Variants in MMP20 observed in about 807,000 individuals in gnomAD.
MMP20 encodes matrix metallopeptidase 20, also known as matrix metalloproteinase-20.
MMP20 carries 50 observed loss-of-function variants against 51.8 expected under a neutral mutation model. The ratio of observed to expected loss-of-function variants is 0.97; its 90% CI spans 0.77 to 1.22. The LOEUF (loss-of-function observed/expected upper bound fraction) is 1.22, where lower values mean the gene tolerates loss of function less well. Among genes scored for constraint, MMP20 ranks in the 50% most tolerant of loss-of-function variants. MMP20 has a pLI of 0.00. For missense variants in MMP20, 663 were observed against 601.4 expected, an observed-to-expected ratio of 1.10 and a Z score of -1.07; for synonymous variants, 244 against 216.2, an observed-to-expected ratio of 1.13 and a Z score of -1.13.
At position 102,609,886 on chromosome 11, in the gene MMP20, G is replaced by A; in HGVS notation, c.649+19C>T. 6.2e-7 allele frequency: 1 copy of A among 1,614,046 alleles called. No individual in the cohort carries two copies. The highest frequency in any genetic ancestry group is 8.5e-7 in the Non-Finnish European group (1 of 1,179,966). On this transcript the variant is annotated intron_variant, in intron 4 of 9. Coordinates refer to ENST00000260228, the MANE Select transcript of MMP20 (RefSeq NM_004771.4). ...AAGGTACAATATTTTCCAGGTTATG[G>A]TGAATTGTGCATATATACCATTCGT...
chr11:102,605,903 A>G (rs1358872708), intron 6 of MMP20, among the ~76,000 whole-genome samples: 1 of 152,174 alleles, frequency 6.6e-6, no homozygotes, highest in Non-Finnish European at 1.5e-5. Flanking sequence ...CCAAGAAACC[A>G]GAGTTGGGGG....
chr11:102,616,111 T>C (rs1422784862), intron 2 of MMP20, among the ~76,000 whole-genome samples: 1 of 151,810 alleles, frequency 6.6e-6, no homozygotes, highest in Non-Finnish European at 1.5e-5. Context: ...AGCCAGAGGA[T>C]TAGGGGAGGG....
At chr11:102,581,965 C>T (rs539004368) in intron 8 of MMP20, among the ~76,000 whole-genome samples, 1 of 152,262 alleles carries the variant, frequency 6.6e-6, no homozygotes, top group East Asian at 1.9e-4. Context: ...GTTTGTGAAA[C>T]CTAAATACCA....
At chr11:102,578,408 A>G (rs946561260) in intron 9 of MMP20, among the ~76,000 whole-genome samples, 3 of 152,216 alleles carry the variant, frequency 2.0e-5, no homozygotes, top group African/African-American at 7.2e-5. Flanking sequence ...AAGTGCTGGA[A>G]TTACAGGTGT....
Position 102,611,772 on chromosome 11 carries a change from A to T in MMP20, c.506T>A (p.Ile169Lys). Residue 169 changes from isoleucine to lysine, a missense_variant, in exon 3 of 10, where the codon ATA (isoleucine) becomes AAA (lysine). By Grantham distance (102) the Ile-to-Lys change is moderately radical. Coordinates refer to ENST00000260228, the MANE Select transcript of MMP20 (RefSeq NM_004771.4). The stretch of plus-strand genomic sequence containing the variant: ...CACAATACCTCCATTTTCAAAAGAT[A>T]TCATAATATCCGCTTCTCCTGAGTT... ...RINSGEADIMISFENGDHGDS... is the reference protein window; with the variant it reads ...RINSGEADIMKSFENGDHGDS... The T allele has an allele frequency of 6.2e-7, 1 of 1,614,188 alleles. No homozygotes were observed. The highest frequency in any genetic ancestry group is 8.5e-7 in the Non-Finnish European group (1 of 1,180,030).
chr11:102,595,360 A>G (rs372936917), intron 6 of MMP20, among the ~76,000 whole-genome samples: 5 of 152,218 alleles, frequency 3.3e-5, no homozygotes, highest in African/African-American at 9.6e-5. Context: ...AAATAATGAA[A>G]GAATATAGCA....
intron 6 of MMP20, among the ~76,000 whole-genome samples, chr11:102,598,585 T>C (rs1859410148): frequency 6.6e-6 from 1 of 152,236 alleles, no homozygotes; most frequent in African/African-American, 2.4e-5. Context: ...AAAATTTTCA[T>C]TCACTTTTAC....
intron 6 of MMP20, 146 bp downstream of exon 6, chr11:102,606,389 A>C: frequency 1.8e-6 from 2 of 1,084,976 alleles, no homozygotes; most frequent in Non-Finnish European, 2.8e-6. Context: ...TCTCCCCCAA[A>C]GACCCCTGCC....
intron 6 of MMP20, among the ~76,000 whole-genome samples, chr11:102,599,272 G>C (rs551287573): frequency 1.3e-5 from 2 of 152,108 alleles, no homozygotes; most frequent in South Asian, 4.2e-4. Context: ...TGCCTGCCTC[G>C]GCTTCCCAAA....
chr11:102,590,868 G>A (rs1784446), intron 8 of MMP20, among the ~76,000 whole-genome samples: 77,277 of 151,948 alleles, frequency 0.51, 20,250 homozygotes, highest in South Asian at 0.67. Flanking sequence ...TGGCCACCTC[G>A]AGTCATGAGG....
At chr11:102,621,808 T>C (rs1221837572) in intron 1 of MMP20, among the ~76,000 whole-genome samples, 1 of 152,186 alleles carries the variant, frequency 6.6e-6, no homozygotes, top group Non-Finnish European at 1.5e-5. Context: ...GTTAGAAAAG[T>C]AAAAACCACA....
intron 8 of MMP20, among the ~76,000 whole-genome samples, chr11:102,586,003 G>A (rs756277629): frequency 3.9e-5 from 6 of 151,984 alleles, no homozygotes; most frequent in Admixed American, 2.6e-4. Flanking sequence ...TTAGGTTGTT[G>A]GTGTTTTTGG....
intron 6 of MMP20, among the ~76,000 whole-genome samples, chr11:102,601,955 T>C (rs573653165): frequency 0.024 from 3,579 of 148,074 alleles, 85 homozygotes; most frequent in Non-Finnish European, 0.029. Flanking sequence ...TTCTTTCTTT[T>C]TTTTTTTTTT....
Position 102,593,514 on chromosome 11 carries a change from A to G in MMP20, c.1172T>C (p.Val391Ala). ...GTAGACAGCAGCATCTATTTGCTGC[A>G]CGTGCCTTGGAAATCCAAAGTCATA... ...TIYDFGFPRH[V>A]QQIDAAVYLR... is the part of the protein sequence containing the mutation. The change falls in exon 8 of 10, where the codon GTG becomes GCG. Residue 391 changes from valine to alanine, a missense_variant. Val to Ala is a moderately conservative substitution (Grantham distance 64). Coordinates refer to ENST00000260228, the MANE Select transcript of MMP20 (RefSeq NM_004771.4). 1 of 1,614,144 alleles carries G rather than the reference A, an allele frequency of 6.2e-7. No homozygotes were observed.
intron 2 of MMP20, among the ~76,000 whole-genome samples, chr11:102,614,739 C>T (rs1859645473): frequency 6.6e-6 from 1 of 151,918 alleles, no homozygotes; most frequent in East Asian, 1.9e-4. Context: ...GGATTCTGGC[C>T]CCTCCTTTGA....
At position 102,611,659 on chromosome 11, in the gene MMP20, G is replaced by C. The variant is rs1859601260; in HGVS notation, c.523+96C>G. On this transcript the variant is annotated intron_variant, in intron 3 of 9. Transcript: ENST00000260228. The stretch of plus-strand genomic sequence containing the variant: ...TGGCCCATCACAGCACTGTGCGAAG[G>C]AGGAGTGTGTGATCACTCGAATTAA... 7.5e-6 allele frequency: 11 copies of C among 1,460,418 alleles called. No homozygotes were observed. In the South Asian group the frequency reaches 9.2e-5, roughly 12 times the overall value. 90.5% of individuals were successfully genotyped at this position (1,460,418 alleles called of 1,614,324 possible). A position where few individuals can be genotyped will look rare whatever the true frequency, so the allele number is the denominator to read the frequency against.
chr11:102,606,443 C>T, intron 6 of MMP20, 92 bp downstream of exon 6: 2 of 1,519,678 alleles, frequency 1.3e-6, no homozygotes, highest in Non-Finnish European at 1.8e-6. Context: ...GCATGATCTT[C>T]ATACAAGGCA....
At chr11:102,587,711 A>G (rs1173631043) in intron 8 of MMP20, among the ~76,000 whole-genome samples, 3 of 152,092 alleles carry the variant, frequency 2.0e-5, no homozygotes, top group Non-Finnish European at 2.9e-5. Context: ...CTTTATTGCT[A>G]GTAGCATTTT....
intron 1 of MMP20, among the ~76,000 whole-genome samples, chr11:102,618,102 T>C (rs1287328797): frequency 6.6e-6 from 1 of 152,198 alleles, no homozygotes; most frequent in African/African-American, 2.4e-5. Context: ...ATAATATAAA[T>C]GCTATGTAAA....
Sources: gnomAD v4.1 joint callset for allele counts (sites outside exome capture counted in the v4.1 genomes callset) on GRCh38, gnomAD v4.1.1 for gene constraint, MANE v1.5 for transcripts, NCBI Gene and HGNC (gene_info 2026-07-23, HGNC 2026-07-21) for gene names.